The following RPL39L variants were observed in gnomAD, a reference collection of about 807,000 sequenced individuals.
RPL39L encodes ribosomal protein eL39-like 2.
For synonymous variants in RPL39L, 16 were observed against 20.1 expected (o/e 0.80, Z 0.55); for missense variants, 48 against 58.9 (o/e 0.81, Z 0.61).
chr3:187,123,849 T>C (rs562022028), intron 2 of RPL39L, among the ~76,000 whole-genome samples: 103 of 152,352 alleles, frequency 6.8e-4, no homozygotes, highest in African/African-American at 2.0e-3. Context: ...TGGAGACACT[T>C]TGGGCTAGAA....
chr3:187,127,760 A>G (rs1407794937), intron 2 of RPL39L, among the ~76,000 whole-genome samples: 1 of 152,208 alleles, frequency 6.6e-6, no homozygotes. Flanking sequence ...TTGCAATGTA[A>G]TTTTTCACAA....
rs371818346 is a variant in RPL39L at position 187,127,842 on chromosome 3, T to A, written c.-29+157A>T. Among the ~76,000 whole-genome samples, 181 of 152,370 alleles carry A rather than the reference T, an allele frequency of 1.2e-3. 4 individuals are homozygous for A. The South Asian group carries it at 0.034, about 29-fold the overall frequency. On this transcript the variant is annotated intron_variant, in intron 2 of 2. Coordinates refer to ENST00000296277, the MANE Select transcript of RPL39L (RefSeq NM_052969.3). ...TTCTGAAAACCATATTTAAAACACT[T>A]GTTTAAAATTCAGATATACTATCTA...
In RPL39L at chr3:187,129,225, C is replaced by T. The variant is rs574442740; in HGVS notation, c.-92-1163G>A. Among the ~76,000 whole-genome samples, 10 of 152,266 alleles carry T rather than the reference C, an allele frequency of 6.6e-5. No homozygotes were observed. The South Asian group carries it at 2.1e-3, about 32-fold the overall frequency. ...CTCAGGATAAAAGAGGTTTGATAAGCTCGCTTCCTGAGCAGGTAGAACAAC... is the reference window on the plus strand; with the variant it reads ...CTCAGGATAAAAGAGGTTTGATAAGTTCGCTTCCTGAGCAGGTAGAACAAC... On this transcript the variant is annotated intron_variant, in intron 1 of 2. Transcript: ENST00000296277.
intron 1 of RPL39L, among the ~76,000 whole-genome samples, chr3:187,130,285 T>G (rs1245913751): frequency 6.6e-6 from 1 of 152,206 alleles, no homozygotes; most frequent in Non-Finnish European, 1.5e-5. Context: ...TTGGTTTTAT[T>G]CTCTGACGTA....
At chr3:187,131,168 T>G (rs1330378071) in intron 1 of RPL39L, among the ~76,000 whole-genome samples, 1 of 152,216 alleles carries the variant, frequency 6.6e-6, no homozygotes, top group Non-Finnish European at 1.5e-5. Flanking sequence ...TTGCGACCAC[T>G]GTCACAGTGG....
chr3:187,134,242 A>C (rs963381262), intron 1 of RPL39L, among the ~76,000 whole-genome samples: 1 of 152,174 alleles, frequency 6.6e-6, no homozygotes, highest in Non-Finnish European at 1.5e-5. Flanking sequence ...AAAACATAGT[A>C]ACAGAGATAA....
At chr3:187,122,352 G>C (rs1040869943) in intron 2 of RPL39L, among the ~76,000 whole-genome samples, 1 of 151,622 alleles carries the variant, frequency 6.6e-6, no homozygotes, top group African/African-American at 2.4e-5. Flanking sequence ...CAGTGTTGGA[G>C]ATATACAAAC....
At chr3:187,128,329 G>A (rs935597293) in intron 1 of RPL39L, among the ~76,000 whole-genome samples, 2 of 152,152 alleles carry the variant, frequency 1.3e-5, no homozygotes, top group Admixed American at 1.3e-4. Flanking sequence ...TGTGGGATGT[G>A]TACACCTGTT....
At chr3:187,127,730 A>G (rs1226575314) in intron 2 of RPL39L, among the ~76,000 whole-genome samples, 1 of 152,256 alleles carries the variant, frequency 6.6e-6, no homozygotes, top group African/African-American at 2.4e-5. Context: ...GTTCCAAGAC[A>G]TAACTCCTTT....
intron 2 of RPL39L, among the ~76,000 whole-genome samples, chr3:187,125,063 G>A (rs1001181372): frequency 8.5e-5 from 13 of 152,178 alleles, no homozygotes; most frequent in African/African-American, 3.1e-4. Context: ...AGCTGGGAAG[G>A]GAGGAGGAGC....
intron 1 of RPL39L, among the ~76,000 whole-genome samples, chr3:187,131,628 G>A (rs1165174881): frequency 6.6e-6 from 1 of 152,190 alleles, no homozygotes; most frequent in African/African-American, 2.4e-5. Flanking sequence ...AGCTGTTAGT[G>A]TGACCTTGAA....
chr3:187,129,540 A>G (rs1359062331), intron 1 of RPL39L, among the ~76,000 whole-genome samples: 1 of 152,262 alleles, frequency 6.6e-6, no homozygotes, highest in Non-Finnish European at 1.5e-5. Flanking sequence ...GTTCTACAAA[A>G]GGACATCCTC....
rs1027068467 is a variant in RPL39L at position 187,128,021 on chromosome 3, A to G, written c.-51T>C. ...TACCTTTTTCAAGTCTGAATTTCCTACTCCAAAGAGGCAAAGATGCTTGCT... is the reference window on the plus strand; with the variant it reads ...TACCTTTTTCAAGTCTGAATTTCCTGCTCCAAAGAGGCAAAGATGCTTGCT... On this transcript the variant is annotated 5_prime_UTR_variant, in exon 2 of 3. Transcript: ENST00000296277. 1.3e-5 allele frequency: 2 copies of G among 152,210 alleles called. No homozygotes were observed. The highest frequency in any genetic ancestry group is 2.4e-5 in the African/African-American group (1 of 41,454). The allele number at this position is 152,210 out of a possible 1,614,324, so 9.4% of individuals were successfully genotyped here.
chr3:187,134,405 G>A (rs1212923615), intron 1 of RPL39L, among the ~76,000 whole-genome samples: 2 of 148,234 alleles, frequency 1.3e-5, no homozygotes, highest in African/African-American at 2.5e-5. Context: ...ATCCTATAAC[G>A]TACAGGTGAG....
chr3:187,133,887 C>T (rs563187643), intron 1 of RPL39L, among the ~76,000 whole-genome samples: 1 of 152,238 alleles, frequency 6.6e-6, no homozygotes, highest in African/African-American at 2.4e-5. Context: ...TGATTCAAGA[C>T]CCCACATTAC....
rs369512510 is a variant in RPL39L, at chr3:187,133,426, C to T, written c.-92-5364G>A. Among the ~76,000 whole-genome samples the T allele has an allele frequency of 1.2e-3, 180 of 152,236 alleles. 4 individuals are homozygous for T. The South Asian group carries it at 0.034, about 29-fold the overall frequency. On this transcript the variant is annotated intron_variant, in intron 1 of 2. Coordinates refer to ENST00000296277, the MANE Select transcript of RPL39L (RefSeq NM_052969.3). ...TAAGACGTGCTTTGCTTCCCCTTTG[C>T]CTTCTGCCAGATTGTAAGTATCCTG...
At chr3:187,133,823 G>GTGTA (rs1371150708) in intron 1 of RPL39L, among the ~76,000 whole-genome samples, 1 of 152,142 alleles carries the variant, frequency 6.6e-6, no homozygotes, top group Non-Finnish European at 1.5e-5. Flanking sequence ...GAACCTGGTA[G>GTGTA]TGTACTGAAG....
chr3:187,138,545 G>C (rs775915706), intron 1 of RPL39L, among the ~76,000 whole-genome samples: 6 of 152,220 alleles, frequency 3.9e-5, no homozygotes, highest in African/African-American at 9.7e-5. Context: ...GAAAGAGGCA[G>C]TGAGCAGATG....
intron 1 of RPL39L, among the ~76,000 whole-genome samples, chr3:187,135,278 C>G (rs6783214): frequency 0.41 from 62,250 of 152,032 alleles, 17,101 homozygotes; most frequent in African/African-American, 0.79. Context: ...ACGGTAATAT[C>G]GTTTGGCTGT....
Sources: allele counts gnomAD v4.1 joint callset (sites outside exome capture counted in the v4.1 genomes callset), GRCh38; gene constraint gnomAD v4.1.1; transcripts MANE v1.5; gene names NCBI Gene and HGNC (gene_info 2026-07-23, HGNC 2026-07-21).